The following CTBP2 variants were observed in gnomAD, a reference collection of about 807,000 sequenced individuals.
The protein encoded by CTBP2 is C-terminal binding protein 2, also known as C-terminal-binding protein 2.
Under a neutral mutation model 80.3 loss-of-function variants are expected in CTBP2, and 30 were observed. The ratio of observed to expected loss-of-function variants is 0.37; its 90% CI spans 0.28 to 0.51. CTBP2 has a LOEUF of 0.51. Among genes scored for constraint, CTBP2 ranks in the 20% least tolerant of loss-of-function variants. The pLI, the probability that CTBP2 is intolerant of heterozygous loss-of-function variation, is 0.93. For missense variants in CTBP2, 1,212 were observed against 1,375.3 expected (o/e 0.88, Z 1.88); for synonymous variants, 594 against 587.4 (o/e 1.01, Z -0.16).
intron 2 of CTBP2, among the ~76,000 whole-genome samples, chr10:125,077,009 G>A (rs577090044): frequency 2.0e-5 from 3 of 152,200 alleles, no homozygotes; most frequent in South Asian, 2.1e-4. Flanking sequence ...TTCCTGTAGC[G>A]AACGCACAGG....
Position 125,038,977 on chromosome 10 carries a change from A to C in CTBP2, c.58+20T>G. On this transcript the variant is annotated intron_variant, in intron 3 of 10. Coordinates refer to the CTBP2 transcript ENST00000337195. Reference sequence around the variant, plus strand: ...GAGGGACTACGTATGTTTGGTAAAAACCGCCAAACACGCTCTTACCTTCAC... The same window carrying C: ...GAGGGACTACGTATGTTTGGTAAAACCCGCCAAACACGCTCTTACCTTCAC... The C allele has an allele frequency of 6.2e-7, 1 of 1,611,502 alleles. No individual in the cohort carries two copies. Among genetic ancestry groups the C allele is most frequent in the Non-Finnish European group, 8.5e-7 (1 of 1,178,924 alleles).
At chr10:125,137,590 T>C (rs1857161477) in intron 1 of CTBP2, among the ~76,000 whole-genome samples, 2 of 152,242 alleles carry the variant, frequency 1.3e-5, no homozygotes, top group African/African-American at 4.8e-5. Context: ...CCATTTCCTC[T>C]TATTTTTAAT....
At position 125,026,751 on chromosome 10, in the gene CTBP2, C is replaced by G. The variant is rs201311666; in HGVS notation, c.1009G>C (p.Gly337Arg). 1 of 1,612,994 alleles carries G rather than the reference C, an allele frequency of 6.2e-7. No individual in the cohort carries two copies. The change falls in exon 1 of 9, where the codon GGC (glycine) becomes CGC (arginine). Residue 337 changes from glycine (G) to arginine (R), a missense_variant. Gly to Arg is a moderately radical substitution (Grantham distance 125). Transcript: ENST00000309035. Reference sequence around the variant, plus strand: ...AGGCGGCTCAGAACACGGGCCTGGCCCAGGTTGGGTGCGACAGACTTGATA... The same window carrying G: ...AGGCGGCTCAGAACACGGGCCTGGCGCAGGTTGGGTGCGACAGACTTGATA...
chr10:124,997,532 C>T (rs1953786828), intron 4 of CTBP2: 1 of 178,680 alleles, frequency 5.6e-6, no homozygotes, highest in Non-Finnish European at 1.2e-5. Context: ...CATTTGAAGG[C>T]CTTCAGGAGT....
chr10:125,116,333 A>G (rs1426929893), intron 1 of CTBP2, among the ~76,000 whole-genome samples: 1 of 152,188 alleles, frequency 6.6e-6, no homozygotes, highest in African/African-American at 2.4e-5. Context: ...TGTTAGGACG[A>G]GTGAACGCCC....
rs371545812 is a variant in CTBP2, at chr10:125,111,919, G to C, written c.-205-826C>G. Among the ~76,000 whole-genome samples, 6 of 152,186 alleles carry C rather than the reference G, an allele frequency of 3.9e-5. No individual in the cohort carries two copies. In the East Asian group the frequency reaches 7.7e-4, roughly 20 times the overall value. On this transcript the variant is annotated intron_variant, in intron 1 of 10. Coordinates refer to the CTBP2 transcript ENST00000337195. ...AGAAAAGATGGAATTTAACACTGGA[G>C]TTGCTATGTAACTGGAGAGCCCATG...
intron 2 of CTBP2, among the ~76,000 whole-genome samples, chr10:125,078,515 CT>C (rs71029237): frequency 0.089 from 13,035 of 146,328 alleles, 557 homozygotes; most frequent in Middle Eastern, 0.17. Flanking sequence ...CTTCCACAGC[CT>C]TTTTTTTTTT....
In CTBP2 at chr10:125,027,661, C is replaced by CCGCA; in HGVS notation, c.95_98dup (p.Pro34AlafsTer20). 6.2e-7 allele frequency: 1 copy of CCGCA among 1,614,068 alleles called. No individual in the cohort carries two copies. Among genetic ancestry groups the CCGCA allele is most frequent in the Non-Finnish European group, 8.5e-7 (1 of 1,180,024 alleles). ...TCAGGGAGCTTCTCCTCCCCAGAGG[C>CCGCA]CGCAGGGACTCGGCGTTCTCCCAGG... On this transcript the variant is annotated frameshift_variant, in exon 1 of 9. Coordinates refer to ENST00000309035, the MANE Select transcript of CTBP2 (RefSeq NM_022802.3). LOFTEE classifies it high-confidence loss of function.
chr10:125,139,632 C>T (rs1302403239), intron 1 of CTBP2, among the ~76,000 whole-genome samples: 2 of 152,140 alleles, frequency 1.3e-5, no homozygotes, highest in Non-Finnish European at 2.9e-5. Context: ...AAGCTACTCA[C>T]CTGAGCAAGC....
At chr10:125,064,385 G>A (rs1031624257) in intron 2 of CTBP2, among the ~76,000 whole-genome samples, 2 of 152,138 alleles carry the variant, frequency 1.3e-5, no homozygotes, top group Non-Finnish European at 2.9e-5. Context: ...TCCAAACTCA[G>A]GCCTTCAGAG....
intron 2 of CTBP2, among the ~76,000 whole-genome samples, chr10:125,098,738 G>GAGAGAC (rs1564914471): frequency 3.5e-4 from 36 of 102,668 alleles, no homozygotes; most frequent in African/African-American, 1.3e-3. Context: ...GAGAGAGAGA[G>GAGAGAC]AGAGAGAGAG....
At chr10:125,143,940 C>G (rs1434064352) in intron 1 of CTBP2, among the ~76,000 whole-genome samples, 2 of 152,184 alleles carry the variant, frequency 1.3e-5, no homozygotes, top group African/African-American at 4.8e-5. Flanking sequence ...ACACCTAGCC[C>G]TGGGCCAATT....
At chr10:125,154,290 A>T (rs1295064823) in intron 1 of CTBP2, among the ~76,000 whole-genome samples, 1 of 152,060 alleles carries the variant, frequency 6.6e-6, no homozygotes, top group Non-Finnish European at 1.5e-5. Context: ...TTCTGGACTC[A>T]CAGAAGGCAA....
intron 1 of CTBP2, among the ~76,000 whole-genome samples, chr10:125,136,180 C>T (rs1329373684): frequency 6.6e-6 from 1 of 152,212 alleles, no homozygotes; most frequent in Admixed American, 6.5e-5. Flanking sequence ...AACGAAGGGG[C>T]TGGAGGGACC....
chr10:125,078,441 T>C (rs539073662), intron 2 of CTBP2, among the ~76,000 whole-genome samples: 3 of 152,272 alleles, frequency 2.0e-5, no homozygotes, highest in East Asian at 3.9e-4. Flanking sequence ...TCAATTATTA[T>C]TGATTACAAA....
intron 2 of CTBP2, among the ~76,000 whole-genome samples, chr10:125,059,335 C>A (rs1426021982): frequency 1.3e-5 from 2 of 152,088 alleles, no homozygotes; most frequent in Non-Finnish European, 2.9e-5. Flanking sequence ...AATCCCAGCA[C>A]TTTGGGAGGC....
At chr10:124,995,810 C>T (rs557210234) in intron 4 of CTBP2, among the ~76,000 whole-genome samples, 16 of 152,290 alleles carry the variant, frequency 1.1e-4, no homozygotes, top group South Asian at 4.1e-4. Context: ...GGCTCTCTGA[C>T]GCACTGGCAA....
intron 4 of CTBP2, chr10:124,997,625 C>T (rs1953803005): frequency 5.8e-6 from 2 of 342,342 alleles, no homozygotes; most frequent in African/African-American, 4.1e-5. Flanking sequence ...TGCTTTACGA[C>T]ACACCTCCAT....
At chr10:125,038,963 TA>T in intron 3 of CTBP2, 33 bp downstream of exon 3, 1 of 1,608,106 alleles carries the variant, frequency 6.2e-7, no homozygotes, top group Non-Finnish European at 8.5e-7. Flanking sequence ...AGGGACTACG[TA>T]TGTTTGGTAA....
Sources: allele counts gnomAD v4.1 joint callset (sites outside exome capture counted in the v4.1 genomes callset), GRCh38; gene constraint gnomAD v4.1.1; transcripts MANE v1.5; gene names NCBI Gene and HGNC (gene_info 2026-07-23, HGNC 2026-07-21).